ADGB: variants seen among roughly 807,000 people sequenced by gnomAD.
The protein encoded by ADGB is calpain-7-like protein.
ADGB carries 172 observed loss-of-function variants against 210.5 expected under a neutral mutation model. The ratio of observed to expected loss-of-function variants is 0.82; its 90% CI spans 0.72 to 0.93. The LOEUF (loss-of-function observed/expected upper bound fraction) is 0.93. Ranked by LOEUF, ADGB falls within the 40% of genes least tolerant of loss-of-function variation. The pLI is 0.00. For missense variants in ADGB, 2,025 were observed against 1,964.8 expected (o/e 1.03, Z -0.58); for synonymous variants, 658 against 662.7 (o/e 0.99, Z 0.11).
chr6:146,613,358 G>A (rs1247998063), intron 1 of ADGB, among the ~76,000 whole-genome samples: 1 of 152,132 alleles, frequency 6.6e-6, no homozygotes, highest in Non-Finnish European at 1.5e-5. Context: ...AGAATGCCCT[G>A]ACCCAAAATA....
intron 26 of ADGB, 37 bp from the exon 27 acceptor site, chr6:146,752,493 C>T (rs1385012810): frequency 2.7e-6 from 4 of 1,488,404 alleles, no homozygotes; most frequent in Non-Finnish European, 3.6e-6. Flanking sequence ...GAAAGACCAA[C>T]ATACTTGCTT....
chr6:146,776,409 A>G (rs555133599), intron 29 of ADGB, among the ~76,000 whole-genome samples: 1 of 152,254 alleles, frequency 6.6e-6, no homozygotes, highest in African/African-American at 2.4e-5. Flanking sequence ...GAAATTAGGA[A>G]TTTAAAATGA....
In ADGB at chr6:146,635,488, C is replaced by T; in HGVS notation, c.188C>T (p.Ala63Val). Residue 63 changes from alanine to valine, a missense_variant, in exon 2 of 36, where the codon GCA becomes GTA. Physicochemically the swap from Ala to Val is moderately conservative, Grantham distance 64. Coordinates refer to ENST00000397944, the MANE Select transcript of ADGB (RefSeq NM_024694.4). ...GACATAAATTCAGAAAAGTGGGATG[C>T]AGGCAAAGGTGCAAAAGAAAAGGAC... The part of the protein sequence containing the change: ...EADINSEKWD[A>V]GKGAKEKDKT... 2 of 1,547,794 alleles carry T rather than the reference C, an allele frequency of 1.3e-6. No individual in the cohort carries two copies. Among genetic ancestry groups the T allele is most frequent in the Non-Finnish European group, 1.7e-6 (2 of 1,144,868 alleles).
At chr6:146,762,678 G>A (rs900297750) in intron 27 of ADGB, among the ~76,000 whole-genome samples, 3 of 152,046 alleles carry the variant, frequency 2.0e-5, no homozygotes, top group East Asian at 3.9e-4. Flanking sequence ...TTAATTTATT[G>A]GCAGCTTGAT....
intron 26 of ADGB, among the ~76,000 whole-genome samples, chr6:146,750,480 C>A (rs1039231642): frequency 6.6e-6 from 1 of 152,046 alleles, no homozygotes; most frequent in Admixed American, 6.6e-5. Flanking sequence ...ATCACTTGAG[C>A]CCAGGAGTTT....
At chr6:146,632,140 C>G (rs1050180588) in intron 1 of ADGB, among the ~76,000 whole-genome samples, 4 of 152,074 alleles carry the variant, frequency 2.6e-5, no homozygotes, top group Admixed American at 1.3e-4. Flanking sequence ...CTCGAGGTCA[C>G]AAGTCCAAAA....
intron 2 of ADGB, among the ~76,000 whole-genome samples, chr6:146,640,455 C>CA (rs1162665509): frequency 6.6e-6 from 1 of 151,844 alleles, no homozygotes; most frequent in South Asian, 2.1e-4. Flanking sequence ...AGAGACACAG[C>CA]AAAAAATGAA....
In ADGB at chr6:146,745,924, G is replaced by A; in HGVS notation, c.3180G>A (p.Lys1060=). 1 of 1,539,868 alleles carries A rather than the reference G, an allele frequency of 6.5e-7. No homozygotes were observed. The highest frequency in any genetic ancestry group is 8.8e-7 in the Non-Finnish European group (1 of 1,140,788). ...VVPYLYTKNK[K]GYTFVAEAFT... ...TGTGTAATTTGTCTTTCTTATAGAA[G>A]GGATACACTTTTGTGGCGGAAGCAT... The change falls in exon 26 of 36, where the codon AAG becomes AAA. Residue 1060 remains lysine, a splice_region_variant and synonymous_variant. Coordinates refer to ENST00000397944, the MANE Select transcript of ADGB (RefSeq NM_024694.4).
intron 1 of ADGB, among the ~76,000 whole-genome samples, chr6:146,604,148 T>C (rs1425287443): frequency 6.6e-6 from 1 of 152,176 alleles, no homozygotes; most frequent in African/African-American, 2.4e-5. Flanking sequence ...AAAAGGTCGG[T>C]TGGAGCAAGC....
At chr6:146,620,516 A>G (rs1780872798) in intron 1 of ADGB, among the ~76,000 whole-genome samples, 1 of 151,414 alleles carries the variant, frequency 6.6e-6, no homozygotes, top group African/African-American at 2.4e-5. Context: ...ATAATTTTAT[A>G]TGTTCCATCT....
chr6:146,719,792 T>C (rs1043846223), intron 16 of ADGB, among the ~76,000 whole-genome samples: 9 of 152,108 alleles, frequency 5.9e-5, no homozygotes, highest in African/African-American at 9.7e-5. Context: ...TCCTCAGGCA[T>C]GCATGCCAGG....
At chr6:146,805,066 T>A (rs1469684280) in intron 35 of ADGB, among the ~76,000 whole-genome samples, 1 of 152,244 alleles carries the variant, frequency 6.6e-6, no homozygotes, top group Non-Finnish European at 1.5e-5. Context: ...ATTCTAGCTA[T>A]GTGTCCAGTG....
Position 146,785,725 on chromosome 6 carries a change from T to G in ADGB, c.4315+13T>G. 122 of 1,485,570 alleles carry G rather than the reference T, an allele frequency of 8.2e-5. No individual in the cohort carries two copies. Among genetic ancestry groups the G allele is most frequent in the Non-Finnish European group, 1.0e-4 (112 of 1,087,608 alleles). 92.0% of individuals were successfully genotyped at this position (1,485,570 alleles called of 1,614,324 possible). ...CCAAAAGAAGAAGGTGAGTGGATCCTACCACCCCAGCTGCCTCAGAGCACA... is the reference window on the plus strand; with the variant it reads ...CCAAAAGAAGAAGGTGAGTGGATCCGACCACCCCAGCTGCCTCAGAGCACA... On this transcript the variant is annotated intron_variant, in intron 32 of 35. Coordinates refer to ENST00000397944, the MANE Select transcript of ADGB (RefSeq NM_024694.4).
intron 29 of ADGB, among the ~76,000 whole-genome samples, chr6:146,774,521 A>AAAT (rs1336493968): frequency 6.6e-6 from 1 of 152,226 alleles, no homozygotes. Flanking sequence ...ATTCAGAATT[A>AAAT]AATTGTATTT....
chr6:146,736,543 G>T lies in ADGB; in HGVS notation c.2840G>T (p.Trp947Leu). ...GTTGCAGATACTCTTCAAAAAGTTT[G>T]GGCTGTATTGGAAATGAATTTAGAA... ...ISVADTLQKVWAVLEMNLEQY... is the reference protein window; with the variant it reads ...ISVADTLQKVLAVLEMNLEQY... Residue 947 changes from tryptophan to leucine, a missense_variant, in exon 23 of 36, where the codon TGG (tryptophan) becomes TTG (leucine). By Grantham distance (61) the Trp-to-Leu change is moderately conservative. Coordinates refer to ENST00000397944, the MANE Select transcript of ADGB (RefSeq NM_024694.4). 1 of 1,549,032 alleles carries T rather than the reference G, an allele frequency of 6.5e-7. No homozygotes were observed. Among genetic ancestry groups the T allele is most frequent in the Non-Finnish European group, 8.7e-7 (1 of 1,145,780 alleles).
At chr6:146,713,925 T>C (rs1776695084) in intron 13 of ADGB, among the ~76,000 whole-genome samples, 1 of 152,146 alleles carries the variant, frequency 6.6e-6, no homozygotes, top group Non-Finnish European at 1.5e-5. Flanking sequence ...GTATTGTTTA[T>C]GCCACTTATT....
Position 146,752,572 on chromosome 6 carries a change from G to C in ADGB, c.3408G>C (p.Gln1136His). 1 of 1,550,286 alleles carries C rather than the reference G, an allele frequency of 6.5e-7. No individual in the cohort carries two copies. The highest frequency in any genetic ancestry group is 1.2e-5 in the South Asian group (1 of 83,888). Residue 1136 changes from glutamine (Q) to histidine (H), a missense_variant, in exon 27 of 36, where the codon CAG becomes CAC. Transcript: ENST00000397944. The part of the protein sequence containing the change: ...KVLTPQPATI[Q>H]VRTSKPDAFI... ...TAACACCACAACCTGCTACAATACA[G>C]GTACGCACATCCAAACCAGATGCAT... is the stretch of plus-strand genomic sequence containing the variant.
At chr6:146,617,651 G>A (rs1224511334) in intron 1 of ADGB, among the ~76,000 whole-genome samples, 1 of 151,682 alleles carries the variant, frequency 6.6e-6, no homozygotes, top group Admixed American at 6.6e-5. Context: ...TTATCATGAC[G>A]GGTTATTAAA....
At chr6:146,740,709 T>A in intron 24 of ADGB, 116 bp downstream of exon 24, 1 of 1,019,632 alleles carries the variant, frequency 9.8e-7, no homozygotes, top group Non-Finnish European at 1.4e-6. Flanking sequence ...ATAAGTTAGT[T>A]AAAATTCTTC....
Sources: gnomAD v4.1 joint callset for allele counts (sites outside exome capture counted in the v4.1 genomes callset) on GRCh38, gnomAD v4.1.1 for gene constraint, MANE v1.5 for transcripts, NCBI Gene and HGNC (gene_info 2026-07-23, HGNC 2026-07-21) for gene names.